The following ARFIP1 variants were observed in gnomAD, a reference collection of about 807,000 sequenced individuals.
The protein encoded by ARFIP1 is ARF interacting protein 1.
In ARFIP1, 24 loss-of-function variants were observed where a neutral mutation model predicts 42.5. That is an observed-to-expected ratio of 0.57 (90% CI 0.41 to 0.80). ARFIP1 has a LOEUF of 0.80. Ranked by LOEUF, ARFIP1 falls within the 30% of genes least tolerant of loss-of-function variation. The probability of loss-of-function intolerance (pLI) is 0.00; values close to 1 mark genes in which losing one functional copy is unlikely to be tolerated. For missense variants in ARFIP1, 354 were observed against 434.0 expected (o/e 0.82, Z 1.64); for synonymous variants, 141 against 153.7 (o/e 0.92, Z 0.61).
intron 8 of ARFIP1, among the ~76,000 whole-genome samples, chr4:152,905,545 GTTTTTTTTTTT>G (rs59608457): frequency 2.6e-4 from 8 of 30,372 alleles, no homozygotes; most frequent in African/African-American, 3.7e-4. Context: ...TGTAAGAATT[GTTTTTTTTTTT>G]TTTTTTTTTT....
intron 1 of ARFIP1, among the ~76,000 whole-genome samples, chr4:152,806,938 A>G (rs1729037386): frequency 6.6e-6 from 1 of 152,056 alleles, no homozygotes; most frequent in Non-Finnish European, 1.5e-5. Context: ...TCTCAGGCTC[A>G]AGTAGTCCTC....
At chr4:152,909,734 A>G (rs764300765) in intron 8 of ARFIP1, among the ~76,000 whole-genome samples, 16 of 152,180 alleles carry the variant, frequency 1.1e-4, no homozygotes, top group Non-Finnish European at 1.9e-4. Context: ...CCTTTTTGAT[A>G]TCTCACATGA....
At position 152,827,524 on chromosome 4, in the gene ARFIP1, A is replaced by G. The variant is rs138309237; in HGVS notation, c.-9-2101A>G. On this transcript the variant is annotated intron_variant, in intron 1 of 8. Transcript: ENST00000353617. The stretch of plus-strand genomic sequence containing the variant: ...GTATCCGCCACTGTAGTATACAGAA[A>G]AGTTTCTCTGCCTTAAAAACCCTCT... Among the ~76,000 whole-genome samples, 243 of 152,258 alleles carry G rather than the reference A, an allele frequency of 1.6e-3. 1 individual carries two copies. The highest frequency in any genetic ancestry group is 5.2e-3 in the African/African-American group (216 of 41,538).
At chr4:152,842,991 C>G (rs1326145660) in intron 2 of ARFIP1, among the ~76,000 whole-genome samples, 1 of 152,026 alleles carries the variant, frequency 6.6e-6, no homozygotes, top group African/African-American at 2.4e-5. Context: ...GTTGAAGAGC[C>G]TTGTTTTGTC....
chr4:152,908,095 A>G (rs1738519838), intron 8 of ARFIP1, among the ~76,000 whole-genome samples: 1 of 152,140 alleles, frequency 6.6e-6, no homozygotes, highest in Non-Finnish European at 1.5e-5. Context: ...CCTATTTCCT[A>G]ATGAGACTAG....
chr4:152,822,170 A>G (rs1730422875), intron 1 of ARFIP1, among the ~76,000 whole-genome samples: 1 of 152,174 alleles, frequency 6.6e-6, no homozygotes, highest in South Asian at 2.1e-4. Context: ...GAAGACACAG[A>G]TAACACATAA....
In ARFIP1 at chr4:152,784,348, A is replaced by G. The variant is rs142593635; in HGVS notation, c.-10+4122A>G. Among the ~76,000 whole-genome samples, 85 of 152,280 alleles carry G rather than the reference A, an allele frequency of 5.6e-4. No individual in the cohort carries two copies. In the South Asian group the frequency reaches 8.5e-3, roughly 15 times the overall value. On this transcript the variant is annotated intron_variant, in intron 1 of 8. Transcript: ENST00000353617. ...TTAACAGATATTCTTTATGAGACAA[A>G]AGTATTTATTTTCTTTTTCTTTTTC...
At chr4:152,874,435 C>G (rs1735150896) in intron 5 of ARFIP1, among the ~76,000 whole-genome samples, 1 of 152,208 alleles carries the variant, frequency 6.6e-6, no homozygotes, top group Non-Finnish European at 1.5e-5. Context: ...TTACATGATT[C>G]TGTGGAGTTA....
Position 152,881,185 on chromosome 4 carries a change from G to A in ARFIP1, c.633+1G>A. On this transcript the variant is annotated splice_donor_variant, in intron 6 of 8. Coordinates refer to ENST00000353617, the MANE Select transcript of ARFIP1 (RefSeq NM_001025595.3). LOFTEE classifies it high-confidence loss of function. ...GAGTTTGAAGTCACTAGAACTTCAT[G>A]TAAGATTATTCTAAATAACTATTAG... 6.3e-7 allele frequency: 1 copy of A among 1,591,824 alleles called. No individual in the cohort carries two copies. Among genetic ancestry groups the A allele is most frequent in the Non-Finnish European group, 8.6e-7 (1 of 1,161,958 alleles).
chr4:152,885,576 G>C (rs1736193625), intron 7 of ARFIP1, among the ~76,000 whole-genome samples: 1 of 151,856 alleles, frequency 6.6e-6, no homozygotes, highest in Admixed American at 6.6e-5. Context: ...TTCTCTTCTT[G>C]GTGGTAATGA....
chr4:152,798,960 A>G (rs960406203), intron 1 of ARFIP1, among the ~76,000 whole-genome samples: 5 of 152,218 alleles, frequency 3.3e-5, no homozygotes, highest in African/African-American at 7.2e-5. Context: ...TAACCACCAC[A>G]TGAAGGTCAG....
chr4:152,841,432 G>A (rs1037205098), intron 2 of ARFIP1, among the ~76,000 whole-genome samples: 2 of 152,178 alleles, frequency 1.3e-5, no homozygotes, highest in African/African-American at 4.8e-5. Flanking sequence ...TTTGTTGCCT[G>A]TGTACTTTTG....
chr4:152,824,641 G>C (rs985410680), intron 1 of ARFIP1, among the ~76,000 whole-genome samples: 1 of 152,196 alleles, frequency 6.6e-6, no homozygotes, highest in African/African-American at 2.4e-5. Context: ...AGGGAAGCAT[G>C]CCCGCTTTCA....
At position 152,882,790 on chromosome 4, in the gene ARFIP1, C is replaced by T; in HGVS notation, c.701C>T (p.Ala234Val). Residue 234 changes from alanine (A) to valine (V), a missense_variant, in exon 7 of 9, where the codon GCC becomes GTC. Coordinates refer to ENST00000353617, the MANE Select transcript of ARFIP1 (RefSeq NM_001025595.3). ...AAAAATGGAGAGACTCTTCTTGGGG[C>T]CATTAATTTTTTCATTGCTAGTGTG... Reference protein sequence around the residue: ...LAKNGETLLGAINFFIASVNT... With the variant: ...LAKNGETLLGVINFFIASVNT... 1 of 1,613,054 alleles carries T rather than the reference C, an allele frequency of 6.2e-7. No homozygotes were observed. The highest frequency in any genetic ancestry group is 8.5e-7 in the Non-Finnish European group (1 of 1,179,398).
chr4:152,789,108 T>G (rs376265036), intron 1 of ARFIP1, among the ~76,000 whole-genome samples: 3,362 of 133,370 alleles, frequency 0.025, 30 homozygotes, highest in South Asian at 0.097. Context: ...TTTTTTTTTT[T>G]GAGGTAGAGT....
chr4:152,899,784 T>C (rs571634896), intron 8 of ARFIP1, among the ~76,000 whole-genome samples: 1 of 152,320 alleles, frequency 6.6e-6, no homozygotes, highest in South Asian at 2.1e-4. Context: ...TTGAGTACTA[T>C]AATCTGTAAA....
In ARFIP1 at chr4:152,862,707, T is replaced by G. The variant is rs538640879; in HGVS notation, c.94-899T>G. Among the ~76,000 whole-genome samples the G allele has an allele frequency of 2.0e-5, 3 of 152,306 alleles. No homozygotes were observed. In the East Asian group the frequency reaches 5.8e-4, roughly 29 times the overall value. ...AATTTAATAAAGGTAAATAGAAAAG[T>G]GATTTTATTGTAGATTTAATGCCTT... On this transcript the variant is annotated intron_variant, in intron 2 of 8. Transcript: ENST00000353617.
chr4:152,850,739 G>A (rs1009217082), intron 2 of ARFIP1: 2 of 152,154 alleles, frequency 1.3e-5, no homozygotes, highest in African/African-American at 4.8e-5. Flanking sequence ...TTTGAGAACT[G>A]GTTGTTTAGA....
rs1731571151 is a variant in ARFIP1 at position 152,797,960 on chromosome 4, GAAT to G, written c.-10+17739_-10+17741del. Among the ~76,000 whole-genome samples, 4 of 152,226 alleles carry G rather than the reference GAAT, an allele frequency of 2.6e-5. No homozygotes were observed. The South Asian group carries it at 8.3e-4, about 32-fold the overall frequency. On this transcript the variant is annotated intron_variant, in intron 1 of 8. Coordinates refer to ENST00000353617, the MANE Select transcript of ARFIP1 (RefSeq NM_001025595.3). The stretch of plus-strand genomic sequence containing the variant: ...TGGCTAATACCGCTGGTATGATGTT[GAAT>G]AATAGTAGAAATGGCCGGGCGCGGT...
Sources: gnomAD v4.1 joint callset for allele counts (sites outside exome capture counted in the v4.1 genomes callset) on GRCh38, gnomAD v4.1.1 for gene constraint, MANE v1.5 for transcripts, NCBI Gene and HGNC (gene_info 2026-07-23, HGNC 2026-07-21) for gene names.